ZSWIM5: variants seen among roughly 807,000 people sequenced by gnomAD.
ZSWIM5 encodes zinc finger SWIM-type containing 5, also known as zinc finger SWIM domain-containing protein 5.
In ZSWIM5, 55 loss-of-function variants were observed where a neutral mutation model predicts 119.6. That is an observed-to-expected ratio of 0.46 (90% CI 0.37 to 0.58). The LOEUF (loss-of-function observed/expected upper bound fraction) is 0.58, where lower values mean the gene tolerates loss of function less well. Among genes scored for constraint, ZSWIM5 ranks in the 20% least tolerant of loss-of-function variants. The pLI is 0.00. For missense variants in ZSWIM5, 1,193 were observed against 1,512.8 expected (o/e 0.79, Z 3.51); for synonymous variants, 537 against 606.9 (o/e 0.88, Z 1.69).
chr1:45,163,321 G>A (rs559444400), intron 1 of ZSWIM5, among the ~76,000 whole-genome samples: 13 of 152,288 alleles, frequency 8.5e-5, no homozygotes, highest in South Asian at 6.2e-4. Context: ...CCATCTGTAC[G>A]TCATCATCAT....
At chr1:45,035,427 G>A (rs1644976878) in intron 10 of ZSWIM5, among the ~76,000 whole-genome samples, 1 of 152,112 alleles carries the variant, frequency 6.6e-6, no homozygotes, top group Non-Finnish European at 1.5e-5. Flanking sequence ...CAGGTCTTAA[G>A]TGCTCCTTAT....
At chr1:45,076,091 TGTA>T (rs1386363617) in intron 2 of ZSWIM5, among the ~76,000 whole-genome samples, 1 of 152,178 alleles carries the variant, frequency 6.6e-6, no homozygotes, top group Non-Finnish European at 1.5e-5. Context: ...TCTTGAAAGT[TGTA>T]GTTATTATTT....
At chr1:45,096,544 A>ATG (rs1488723402) in intron 1 of ZSWIM5, among the ~76,000 whole-genome samples, 1 of 145,222 alleles carries the variant, frequency 6.9e-6, no homozygotes, top group Admixed American at 6.7e-5. Flanking sequence ...CAACACACAC[A>ATG]CACACACACG....
chr1:45,058,806 A>T (rs12733885), intron 3 of ZSWIM5, 47 bp from the exon 4 acceptor site: 1 of 1,607,498 alleles, frequency 6.2e-7, no homozygotes. Context: ...GTATCACAAA[A>T]AAGTAGGAGG....
At chr1:45,190,926 A>ATTTTTTTTT (rs1557794312) in intron 1 of ZSWIM5, among the ~76,000 whole-genome samples, 2 of 72,200 alleles carry the variant, frequency 2.8e-5, no homozygotes, top group African/African-American at 1.1e-4. Flanking sequence ...AAATAGCTGG[A>ATTTTTTTTT]ATTTTTTTTT....
intron 1 of ZSWIM5, among the ~76,000 whole-genome samples, chr1:45,192,665 T>A (rs1646099536): frequency 6.6e-6 from 1 of 152,220 alleles, no homozygotes; most frequent in African/African-American, 2.4e-5. Context: ...ATTATTTTGG[T>A]TATACAACCA....
intron 1 of ZSWIM5, among the ~76,000 whole-genome samples, chr1:45,091,238 T>C (rs1055656408): frequency 3.9e-5 from 6 of 152,170 alleles, no homozygotes; most frequent in Non-Finnish European, 8.8e-5. Context: ...TTAATTTCCC[T>C]CGGGCCATTC....
chr1:45,147,232 G>T (rs946639559), intron 1 of ZSWIM5, among the ~76,000 whole-genome samples: 1 of 151,922 alleles, frequency 6.6e-6, no homozygotes, highest in Non-Finnish European at 1.5e-5. Flanking sequence ...TCACCATCAT[G>T]CCCGGCTAGC....
At chr1:45,171,378 G>A (rs1645945105) in intron 1 of ZSWIM5, among the ~76,000 whole-genome samples, 1 of 152,032 alleles carries the variant, frequency 6.6e-6, no homozygotes, top group African/African-American at 2.4e-5. Flanking sequence ...AAAAACTAGT[G>A]TATGGTATTT....
Position 45,043,381 on chromosome 1 carries a change from G to A in ZSWIM5, c.1447C>T (p.Pro483Ser), listed in dbSNP as rs536916578. ...GCTCTAGTGAATACTGTTCGTCTTG[G>A]TCTGGATAAGGAGTCTGGAGAAAGA... ...AIHSPDSLSR[P>S]RRTVFTRAIE... Residue 483 changes from proline to serine, a missense_variant, in exon 6 of 14, where the codon CCA (proline) becomes TCA (serine). Physicochemically the swap from Pro to Ser is moderately conservative, Grantham distance 74. Coordinates refer to ENST00000359600, the MANE Select transcript of ZSWIM5 (RefSeq NM_020883.2). The A allele has an allele frequency of 3.7e-6, 6 of 1,614,152 alleles. No individual in the cohort carries two copies. In the Admixed American group the frequency reaches 8.3e-5, roughly 22 times the overall value.
At chr1:45,087,763 A>C in intron 2 of ZSWIM5, 118 bp downstream of exon 2, 2 of 734,754 alleles carry the variant, frequency 2.7e-6, no homozygotes, top group South Asian at 1.8e-5. Context: ...TTGCAACTGC[A>C]GAAATATCCC....
intron 2 of ZSWIM5, among the ~76,000 whole-genome samples, chr1:45,075,800 G>A (rs914396347): frequency 1.4e-5 from 2 of 145,200 alleles, no homozygotes; most frequent in Non-Finnish European, 3.0e-5. Flanking sequence ...TTTCCTTCCT[G>A]TTTTCCTTTA....
intron 1 of ZSWIM5, among the ~76,000 whole-genome samples, chr1:45,131,063 G>A (rs1291544304): frequency 1.3e-5 from 2 of 152,178 alleles, no homozygotes; most frequent in Non-Finnish European, 2.9e-5. Flanking sequence ...CAGATTAGTG[G>A]TTGGCAGGGA....
chr1:45,026,709 G>C (rs939101930), intron 11 of ZSWIM5, among the ~76,000 whole-genome samples: 1 of 151,960 alleles, frequency 6.6e-6, no homozygotes, highest in African/African-American at 2.4e-5. Flanking sequence ...ATCTAGTTTT[G>C]GTTTTAGAGT....
intron 11 of ZSWIM5, 131 bp downstream of exon 11, chr1:45,034,181 G>A: frequency 8.8e-7 from 1 of 1,141,734 alleles, no homozygotes. Flanking sequence ...AGCAATCAAA[G>A]TGAGGACCAC....
At chr1:45,102,429 T>C (rs369303252) in intron 1 of ZSWIM5, among the ~76,000 whole-genome samples, 7 of 152,232 alleles carry the variant, frequency 4.6e-5, no homozygotes, top group Non-Finnish European at 1.0e-4. Flanking sequence ...TTTGGACAGC[T>C]AGTTAAGTGC....
intron 1 of ZSWIM5, among the ~76,000 whole-genome samples, chr1:45,185,038 G>A (rs1646048368): frequency 6.6e-6 from 1 of 151,298 alleles, no homozygotes; most frequent in Admixed American, 6.6e-5. Context: ...AATGGTACTG[G>A]TACCAAAACA....
At chr1:45,176,938 A>C (rs904237114) in intron 1 of ZSWIM5, among the ~76,000 whole-genome samples, 4 of 152,028 alleles carry the variant, frequency 2.6e-5, no homozygotes, top group Non-Finnish European at 4.4e-5. Flanking sequence ...CCACTGCTCC[A>C]GTTGGGCTCC....
chr1:45,159,313 T>C (rs564560488), intron 1 of ZSWIM5, among the ~76,000 whole-genome samples: 7 of 152,274 alleles, frequency 4.6e-5, no homozygotes, highest in African/African-American at 1.7e-4. Context: ...ATCCAAATTC[T>C]GCCCACTTAA....
Sources: gnomAD v4.1 joint callset for allele counts (sites outside exome capture counted in the v4.1 genomes callset) on GRCh38, gnomAD v4.1.1 for gene constraint, MANE v1.5 for transcripts, NCBI Gene and HGNC (gene_info 2026-07-23, HGNC 2026-07-21) for gene names.